INPP4B: variants seen among roughly 807,000 people sequenced by gnomAD.
INPP4B encodes the protein inositol polyphosphate 4-phosphatase type II.
Under a neutral mutation model 122.5 loss-of-function variants are expected in INPP4B, and 55 were observed. The observed-to-expected ratio is 0.45, with a 90% CI of 0.36 to 0.56. The LOEUF (loss-of-function observed/expected upper bound fraction) is 0.56. Ranked by LOEUF, INPP4B falls within the 20% of genes least tolerant of loss-of-function variation. INPP4B has a pLI of 0.00. For missense variants in INPP4B, 1,000 were observed against 1,097.7 expected (o/e 0.91, Z 1.26); for synonymous variants, 403 against 388.7 (o/e 1.04, Z -0.43).
At chr4:142,590,912 G>A (rs114591791) in intron 2 of INPP4B, among the ~76,000 whole-genome samples, 1,935 of 148,670 alleles carry the variant, frequency 0.013, 34 homozygotes, top group African/African-American at 0.038. Flanking sequence ...AAAAGAACTA[G>A]GGATACTTAG....
At chr4:142,333,021 A>AC (rs1008625529) in intron 7 of INPP4B, among the ~76,000 whole-genome samples, 1 of 150,458 alleles carries the variant, frequency 6.6e-6, no homozygotes, top group African/African-American at 2.5e-5. Flanking sequence ...AAAAAAAAAA[A>AC]AAAAAACAAA....
At chr4:142,735,493 C>A (rs1053337764) in intron 1 of INPP4B, among the ~76,000 whole-genome samples, 1 of 152,130 alleles carries the variant, frequency 6.6e-6, no homozygotes, top group Non-Finnish European at 1.5e-5. Context: ...CTCATAACAA[C>A]CTTCTTGGCT....
chr4:142,645,170 T>C (rs565870326), intron 2 of INPP4B, among the ~76,000 whole-genome samples: 1 of 152,248 alleles, frequency 6.6e-6, no homozygotes, highest in African/African-American at 2.4e-5. Context: ...GTAAGGACAT[T>C]TGTAAATGAT....
At chr4:142,571,151 A>G (rs1206088123) in intron 2 of INPP4B, among the ~76,000 whole-genome samples, 1 of 151,168 alleles carries the variant, frequency 6.6e-6, no homozygotes, top group Non-Finnish European at 1.5e-5. Flanking sequence ...AAAGAGGAAG[A>G]GGGCCTTGGC....
intron 3 of INPP4B, among the ~76,000 whole-genome samples, chr4:142,436,226 G>A (rs901599102): frequency 6.6e-6 from 1 of 152,260 alleles, no homozygotes; most frequent in East Asian, 1.9e-4. Flanking sequence ...AACAACTCCA[G>A]CCAGGTGCTC....
intron 7 of INPP4B, among the ~76,000 whole-genome samples, chr4:142,316,591 T>C (rs1767784937): frequency 6.6e-6 from 1 of 152,158 alleles, no homozygotes; most frequent in African/African-American, 2.4e-5. Context: ...TATACATTAA[T>C]TTTTTAAAAA....
intron 25 of INPP4B, among the ~76,000 whole-genome samples, chr4:142,038,620 A>G (rs1261683908): frequency 6.6e-6 from 1 of 152,164 alleles, no homozygotes; most frequent in Non-Finnish European, 1.5e-5. Context: ...AACAAAGGTA[A>G]TGATAGTGGG....
At chr4:142,034,388 C>T (rs1414653660) in intron 25 of INPP4B, among the ~76,000 whole-genome samples, 1 of 152,130 alleles carries the variant, frequency 6.6e-6, no homozygotes, top group Non-Finnish European at 1.5e-5. Context: ...GCCCGAATGT[C>T]ACTGCTGGCA....
intron 7 of INPP4B, among the ~76,000 whole-genome samples, chr4:142,317,935 T>G (rs989236112): frequency 6.6e-6 from 1 of 152,142 alleles, no homozygotes; most frequent in Non-Finnish European, 1.5e-5. Flanking sequence ...TCTCCCATGT[T>G]ATAGAAGTGG....
chr4:142,579,795 C>T (rs566903517), intron 2 of INPP4B, among the ~76,000 whole-genome samples: 13 of 151,150 alleles, frequency 8.6e-5, no homozygotes, highest in Middle Eastern at 3.4e-3. Flanking sequence ...AATCGTGGGA[C>T]TTGCCAGACT....
intron 7 of INPP4B, among the ~76,000 whole-genome samples, chr4:142,343,822 C>A (rs35302331): frequency 2.2e-3 from 333 of 151,990 alleles, no homozygotes; most frequent in Non-Finnish European, 3.7e-3. Flanking sequence ...AATAGAAAAA[C>A]CATTTTTTAC....
intron 25 of INPP4B, chr4:142,029,346 T>C: frequency 1.0e-6 from 1 of 984,848 alleles, no homozygotes; most frequent in Non-Finnish European, 1.2e-6. Flanking sequence ...CCCTATAGAT[T>C]TTTAAAGAAA....
At chr4:142,089,608 T>C (rs1287530339) in intron 23 of INPP4B, among the ~76,000 whole-genome samples, 1 of 150,568 alleles carries the variant, frequency 6.6e-6, no homozygotes, top group Non-Finnish European at 1.5e-5. Context: ...GTATACCTAA[T>C]CCTTAATTAT....
chr4:142,201,609 A>AC (rs1840658647), intron 14 of INPP4B, among the ~76,000 whole-genome samples: 1 of 151,988 alleles, frequency 6.6e-6, no homozygotes, highest in South Asian at 2.1e-4. Flanking sequence ...CACTTAAAGT[A>AC]CCATGTTCAT....
At chr4:142,342,643 T>C (rs1779059383) in intron 7 of INPP4B, among the ~76,000 whole-genome samples, 1 of 152,094 alleles carries the variant, frequency 6.6e-6, no homozygotes, top group Non-Finnish European at 1.5e-5. Context: ...TCACAAGGAG[T>C]TAAATTAAAA....
intron 17 of INPP4B, among the ~76,000 whole-genome samples, chr4:142,155,516 A>C (rs549514504): frequency 6.6e-6 from 1 of 152,234 alleles, no homozygotes; most frequent in South Asian, 2.1e-4. Flanking sequence ...TGGTAGTATA[A>C]ATAGCTCTTC....
chr4:142,087,332 T>C (rs973481157), intron 23 of INPP4B, among the ~76,000 whole-genome samples: 4 of 152,212 alleles, frequency 2.6e-5, no homozygotes, highest in Non-Finnish European at 5.9e-5. Flanking sequence ...ATGACACTGG[T>C]TGCTCAGATT....
intron 16 of INPP4B, among the ~76,000 whole-genome samples, chr4:142,171,575 T>G (rs1045923827): frequency 1.3e-5 from 2 of 151,882 alleles, no homozygotes; most frequent in African/African-American, 4.8e-5. Flanking sequence ...GATCATACTT[T>G]GTTCTAAACC....
intron 7 of INPP4B, among the ~76,000 whole-genome samples, chr4:142,330,064 A>G (rs186802694): frequency 9.4e-4 from 143 of 152,276 alleles, no homozygotes; most frequent in Non-Finnish European, 1.2e-4. Context: ...TATGAATAAA[A>G]TTGTTTATGG....
Sources: allele counts gnomAD v4.1 joint callset (sites outside exome capture counted in the v4.1 genomes callset), GRCh38; gene constraint gnomAD v4.1.1; transcripts MANE v1.5; gene names NCBI Gene and HGNC (gene_info 2026-07-23, HGNC 2026-07-21).